The following SCARA5 variants were observed in gnomAD, a reference collection of about 807,000 sequenced individuals.
The protein encoded by SCARA5 is scavenger receptor class A member 5.
In SCARA5, 45 loss-of-function variants were observed where a neutral mutation model predicts 46.3. The observed-to-expected ratio is 0.97, with a 90% CI of 0.76 to 1.24. The LOEUF (loss-of-function observed/expected upper bound fraction) is 1.24, where lower values mean the gene tolerates loss of function less well. SCARA5 is among the 50% of genes most tolerant of loss of function. The pLI, the probability that SCARA5 is intolerant of heterozygous loss-of-function variation, is 0.00. For synonymous variants in SCARA5, 333 were observed against 306.5 expected, an observed-to-expected ratio of 1.09 and a Z score of -0.90; for missense variants, 680 against 689.0, an observed-to-expected ratio of 0.99 and a Z score of 0.15.
rs541055356 is a variant in SCARA5, at chr8:27,870,258, T to C, written c.*1676A>G. ...TTTAACTTAAATGCAAACCTTGCAATGTGCTGAGCTATGTAGTAAAAAGTG... is the reference window on the plus strand; with the variant it reads ...TTTAACTTAAATGCAAACCTTGCAACGTGCTGAGCTATGTAGTAAAAAGTG... On this transcript the variant is annotated 3_prime_UTR_variant, in exon 9 of 9. Coordinates refer to ENST00000354914, the MANE Select transcript of SCARA5 (RefSeq NM_173833.6). 11 of 151,204 alleles carry C rather than the reference T, an allele frequency of 7.3e-5. No individual in the cohort carries two copies. Among genetic ancestry groups the C allele is most frequent in the South Asian group, 6.3e-4 (3 of 4,768 alleles). 9.4% of individuals were successfully genotyped at this position (151,204 alleles called of 1,614,324 possible).
intron 2 of SCARA5, among the ~76,000 whole-genome samples, chr8:27,975,164 C>T (rs1339667207): frequency 2.0e-5 from 3 of 152,090 alleles, no homozygotes; most frequent in African/African-American, 7.2e-5. Flanking sequence ...ATCATGCCTA[C>T]ATAATGAAGC....
intron 1 of SCARA5, among the ~76,000 whole-genome samples, chr8:27,990,729 C>A (rs1475357837): frequency 6.6e-6 from 1 of 152,164 alleles, no homozygotes; most frequent in Non-Finnish European, 1.5e-5. Context: ...CAGTGTACTC[C>A]AGCAGGTGGG....
chr8:27,985,603 T>C (rs1808693753), intron 2 of SCARA5, among the ~76,000 whole-genome samples: 1 of 152,190 alleles, frequency 6.6e-6, no homozygotes, highest in African/African-American at 2.4e-5. Flanking sequence ...GATAACCCCC[T>C]GCATCCCCAT....
At chr8:27,942,197 C>T (rs1045528783) in intron 3 of SCARA5, among the ~76,000 whole-genome samples, 1 of 152,082 alleles carries the variant, frequency 6.6e-6, no homozygotes, top group African/African-American at 2.4e-5. Flanking sequence ...CAGTGACAGC[C>T]AGGCCTCGAG....
At position 27,904,403 on chromosome 8, in the gene SCARA5, T is replaced by A. The variant is rs150780852; in HGVS notation, c.1153+375A>T. ...GGTGTCCAGCATGATCATAAGCACT[T>A]TACACAGATTAACTCATTCAATTTT... On this transcript the variant is annotated intron_variant, in intron 7 of 8. Transcript: ENST00000354914. 4,045 of 412,396 alleles carry A rather than the reference T, an allele frequency of 9.8e-3. 31 individuals are homozygous for A. The highest frequency in any genetic ancestry group is 0.012 in the Non-Finnish European group (2,782 of 231,358). 25.5% of individuals were successfully genotyped at this position (412,396 alleles called of 1,614,324 possible). A position where few individuals can be genotyped will look rare whatever the true frequency, so the allele number is the denominator to read the frequency against.
intron 4 of SCARA5, among the ~76,000 whole-genome samples, chr8:27,911,894 A>G (rs899465882): frequency 6.6e-6 from 1 of 152,158 alleles, no homozygotes. Context: ...GTGTCCTTAT[A>G]AGAAGGGAAA....
At chr8:27,886,674 C>G (rs944461446) in intron 7 of SCARA5, among the ~76,000 whole-genome samples, 3 of 152,236 alleles carry the variant, frequency 2.0e-5, no homozygotes, top group African/African-American at 4.8e-5. Context: ...TGACTACCCT[C>G]TAGCCTGAGA....
rs756555971 is a variant in SCARA5, at chr8:27,871,896, G to A, written c.*38C>T. 8.7e-6 allele frequency: 14 copies of A among 1,612,840 alleles called. No homozygotes were observed. In the South Asian group the frequency reaches 1.5e-4, roughly 18 times the overall value. On this transcript the variant is annotated 3_prime_UTR_variant, in exon 9 of 9. Coordinates refer to ENST00000354914, the MANE Select transcript of SCARA5 (RefSeq NM_173833.6). ...CCCACCCCAGGGATGCAGGAAGGGT[G>A]CTCTGTGCAGGACCCCGAACTTGGG...
chr8:27,989,129 C>CTTTCTT (rs1808748508), intron 1 of SCARA5, among the ~76,000 whole-genome samples: 1 of 68,312 alleles, frequency 1.5e-5, no homozygotes, highest in African/African-American at 6.2e-5. Flanking sequence ...TTCTTTCTTT[C>CTTTCTT]TTTTTTTTTT....
At chr8:27,889,211 T>C (rs1010963880) in intron 7 of SCARA5, among the ~76,000 whole-genome samples, 3 of 152,224 alleles carry the variant, frequency 2.0e-5, no homozygotes, top group Non-Finnish European at 4.4e-5. Flanking sequence ...GGCATGGGTC[T>C]GGACAAGGAA....
chr8:27,951,027 G>A (rs148811087), intron 3 of SCARA5, among the ~76,000 whole-genome samples: 10 of 152,252 alleles, frequency 6.6e-5, no homozygotes, highest in African/African-American at 1.9e-4. Flanking sequence ...GGGTCTCCAC[G>A]TTACTCAGAG....
chr8:27,940,721 CCCACCCACCCATCTGCCCAT>C (rs1426322241), intron 3 of SCARA5, among the ~76,000 whole-genome samples: 1 of 135,356 alleles, frequency 7.4e-6, no homozygotes, highest in Non-Finnish European at 1.6e-5. Context: ...TGCCCATCCA[CCCACCCACCCATCTGCCCAT>C]CCACCCACCC....
intron 7 of SCARA5, among the ~76,000 whole-genome samples, chr8:27,901,783 GA>G (rs1197168732): frequency 1.3e-5 from 2 of 151,978 alleles, no homozygotes; most frequent in East Asian, 3.8e-4. Context: ...ACCAGTGAAA[GA>G]GGGGATTACT....
intron 7 of SCARA5, among the ~76,000 whole-genome samples, chr8:27,887,321 C>G (rs564291299): frequency 6.6e-6 from 1 of 152,166 alleles, no homozygotes; most frequent in Non-Finnish European, 1.5e-5. Context: ...TTGCACCCCT[C>G]AGGTGAGGGC....
intron 3 of SCARA5, among the ~76,000 whole-genome samples, chr8:27,964,435 G>A (rs190277171): frequency 2.3e-4 from 35 of 152,206 alleles, no homozygotes; most frequent in Admixed American, 7.2e-4. Flanking sequence ...CAATTAAGGA[G>A]GTATGGCAAC....
intron 4 of SCARA5, among the ~76,000 whole-genome samples, chr8:27,920,612 C>A (rs79423038): frequency 4.8e-4 from 59 of 123,722 alleles, no homozygotes; most frequent in South Asian, 8.3e-4. Context: ...GACTCCATCT[C>A]AAAAAAAAAA....
In SCARA5 at chr8:27,904,849, G is replaced by A; in HGVS notation, c.1097-15C>T. 1.3e-6 allele frequency: 2 copies of A among 1,593,818 alleles called. No homozygotes were observed. The highest frequency in any genetic ancestry group is 1.7e-6 in the Non-Finnish European group (2 of 1,167,562). ...GCCTCGGTCACCTAAAACAGAGGAG[G>A]AAACTGGCATTAGAAATGGAAAGAA... On this transcript the variant is annotated splice_polypyrimidine_tract_variant and intron_variant, in intron 6 of 8. Coordinates refer to ENST00000354914, the MANE Select transcript of SCARA5 (RefSeq NM_173833.6).
chr8:27,975,763 T>A (rs1808514051), intron 2 of SCARA5, among the ~76,000 whole-genome samples: 1 of 152,052 alleles, frequency 6.6e-6, no homozygotes, highest in South Asian at 2.1e-4. Context: ...CCCTGCTGCA[T>A]CCCAGGCCTG....
intron 3 of SCARA5, among the ~76,000 whole-genome samples, chr8:27,948,243 C>G (rs1808067789): frequency 6.6e-6 from 1 of 152,124 alleles, no homozygotes; most frequent in African/African-American, 2.4e-5. Flanking sequence ...TTGCAGGCCT[C>G]CTCCCCAGGG....
Sources: allele counts gnomAD v4.1 joint callset (sites outside exome capture counted in the v4.1 genomes callset), GRCh38; gene constraint gnomAD v4.1.1; transcripts MANE v1.5; gene names NCBI Gene and HGNC (gene_info 2026-07-23, HGNC 2026-07-21).